TEX11: variants seen among roughly 807,000 people sequenced by gnomAD.
TEX11 encodes testis expressed 11, also known as testis-expressed protein 11.
A neutral mutation model predicts 84.4 loss-of-function variants in TEX11; 7 were observed. That is an observed-to-expected ratio of 0.08 (90% CI 0.05 to 0.16). The LOEUF is 0.16. TEX11 is among the 10% of genes least tolerant of loss of function. The probability of loss-of-function intolerance (pLI) is 1.00; values close to 1 mark genes in which losing one functional copy is unlikely to be tolerated. For missense variants in TEX11, 551 were observed against 660.5 expected, an observed-to-expected ratio of 0.83 and a Z score of 1.82; for synonymous variants, 264 against 222.8, an observed-to-expected ratio of 1.18 and a Z score of -1.64.
At position 70,624,920 on chromosome X, in the gene TEX11, C is replaced by T; in HGVS notation, c.1613G>A (p.Gly538Glu). The T allele has an allele frequency of 1.7e-6, 2 of 1,197,044 alleles. No homozygotes were observed. Among genetic ancestry groups the T allele is most frequent in the Non-Finnish European group, 2.3e-6 (2 of 884,278 alleles). The change falls in exon 19 of 30, where the codon GGA becomes GAA. Residue 538 changes from glycine (G) to glutamate (E), a missense_variant. By Grantham distance (98) the Gly-to-Glu change is moderately conservative. Coordinates refer to ENST00000374333, the MANE Select transcript of TEX11 (RefSeq NM_031276.3). ...SLAAQFALEN[G>E]QQIVAEKALE... is the part of the protein sequence containing the mutation. ...AGCTTTTTCTGCCACAATTTGTTGT[C>T]CATTCTAAAAAGAACAAATATAATA...
At chrX:70,752,422 G>A (rs1300757206) in intron 9 of TEX11, among the ~76,000 whole-genome samples, 2 of 106,987 alleles carry the variant, frequency 1.9e-5, no homozygotes, top group Non-Finnish European at 3.8e-5. Flanking sequence ...CTGTTCGGGA[G>A]GCTGAGGCAA....
At chrX:70,906,930 A>G (rs2091837316) in intron 2 of TEX11, among the ~76,000 whole-genome samples, 1 of 112,286 alleles carries the variant, frequency 8.9e-6, no homozygotes. Context: ...AGGTCTCATT[A>G]TTCCCCAAAA....
intron 24 of TEX11, among the ~76,000 whole-genome samples, chrX:70,602,148 G>A (rs1299545104): frequency 3.6e-5 from 4 of 111,915 alleles, no homozygotes; most frequent in African/African-American, 6.5e-5. Flanking sequence ...TGGATAGGGC[G>A]GCTGGCCGGG....
chrX:70,598,259 A>G (rs1014864719), intron 24 of TEX11, among the ~76,000 whole-genome samples: 7 of 112,526 alleles, frequency 6.2e-5, no homozygotes, highest in African/African-American at 1.9e-4. Flanking sequence ...AAACACACGA[A>G]AAGATTCTCA....
chrX:70,564,331 C>T (rs1408277707), intron 25 of TEX11, among the ~76,000 whole-genome samples: 1 of 111,842 alleles, frequency 8.9e-6, no homozygotes, highest in African/African-American at 3.2e-5. Flanking sequence ...TCATAAAATC[C>T]ATGTATTACT....
intron 7 of TEX11, among the ~76,000 whole-genome samples, chrX:70,841,254 A>G (rs747832570): frequency 9.0e-6 from 1 of 110,913 alleles, no homozygotes; most frequent in Admixed American, 9.7e-5. Flanking sequence ...AGCAAATGTA[A>G]AAGAACAGAA....
At position 70,621,555 on chromosome X, in the gene TEX11, T is replaced by A. The variant is rs1275849351; in HGVS notation, c.1751+2395A>T. 3.8e-3 allele frequency among the ~76,000 whole-genome samples: 91 copies of A among 23,883 alleles called. 1 individual carries two copies. The highest frequency in any genetic ancestry group is 5.6e-3 in the Non-Finnish European group (65 of 11,595). 20.7% of individuals were successfully genotyped at this position (23,883 alleles called of 115,157 possible). On this transcript the variant is annotated intron_variant, in intron 20 of 29. Transcript: ENST00000374333. ...AAAAAAAAAAAAAAAAAAAAAAATA[T>A]ATATATATATATATATATATATAAA...
intron 13 of TEX11, among the ~76,000 whole-genome samples, chrX:70,721,360 A>G (rs1326825068): frequency 9.0e-6 from 1 of 111,714 alleles, no homozygotes; most frequent in Non-Finnish European, 1.9e-5. Context: ...TTTATTATAC[A>G]CTTGAATATA....
intron 25 of TEX11, among the ~76,000 whole-genome samples, chrX:70,583,350 A>G (rs1431837319): frequency 1.8e-5 from 2 of 111,896 alleles, no homozygotes; most frequent in Non-Finnish European, 3.8e-5. Flanking sequence ...GAGTGAGAAC[A>G]TGCAGTATTT....
intron 3 of TEX11, among the ~76,000 whole-genome samples, chrX:70,878,168 CTTTTT>C (rs34459152): frequency 1.4e-5 from 1 of 72,538 alleles, no homozygotes; most frequent in Non-Finnish European, 2.5e-5. Flanking sequence ...CTCTATCCCT[CTTTTT>C]TTTTTTTTTT....
At chrX:70,870,074 C>T (rs1442951424) in intron 4 of TEX11, among the ~76,000 whole-genome samples, 1 of 111,819 alleles carries the variant, frequency 8.9e-6, no homozygotes, top group East Asian at 2.8e-4. Flanking sequence ...TGAACATCCG[C>T]TTTACTCTGC....
chrX:70,780,527 G>A (rs991563577), intron 9 of TEX11, among the ~76,000 whole-genome samples: 5 of 111,933 alleles, frequency 4.5e-5, no homozygotes, highest in Admixed American at 3.8e-4. Flanking sequence ...GGAAGCACAG[G>A]GGGTCTGAGG....
At chrX:70,559,376 C>G (rs2088332179) in intron 25 of TEX11, among the ~76,000 whole-genome samples, 1 of 112,072 alleles carries the variant, frequency 8.9e-6, no homozygotes, top group African/African-American at 3.2e-5. Flanking sequence ...GCTATAGAAA[C>G]AGAAAGTAGA....
intron 13 of TEX11, among the ~76,000 whole-genome samples, chrX:70,716,693 CT>C (rs2090506572): frequency 8.9e-6 from 1 of 112,234 alleles, no homozygotes; most frequent in Non-Finnish European, 1.9e-5. Flanking sequence ...TCCATCACCC[CT>C]AGGAAAGGGA....
chrX:70,847,358 A>G (rs1277911095), intron 7 of TEX11, among the ~76,000 whole-genome samples: 1 of 111,100 alleles, frequency 9.0e-6, no homozygotes, highest in Admixed American at 9.7e-5. Flanking sequence ...TATGGTCACT[A>G]TCATCTTCCT....
intron 2 of TEX11, among the ~76,000 whole-genome samples, chrX:70,895,895 G>A (rs1417282513): frequency 8.9e-6 from 1 of 112,200 alleles, no homozygotes; most frequent in Non-Finnish European, 1.9e-5. Flanking sequence ...AGACTTAAAT[G>A]TAAAACCTAA....
intron 16 of TEX11, among the ~76,000 whole-genome samples, chrX:70,654,395 G>A (rs1234891882): frequency 9.0e-6 from 1 of 110,725 alleles, no homozygotes; most frequent in African/African-American, 3.3e-5. Context: ...CAAGTGAGGA[G>A]AGAAAAAGAA....
At chrX:70,579,737 C>A (rs1158792719) in intron 25 of TEX11, among the ~76,000 whole-genome samples, 1 of 111,905 alleles carries the variant, frequency 8.9e-6, no homozygotes, top group Non-Finnish European at 1.9e-5. Flanking sequence ...AAACAGGCAA[C>A]TGAAAAGTTG....
At chrX:70,562,427 A>C (rs777723501) in intron 25 of TEX11, among the ~76,000 whole-genome samples, 98 of 112,092 alleles carry the variant, frequency 8.7e-4, no homozygotes, top group Non-Finnish European at 1.6e-3. Flanking sequence ...TATGTAAAGT[A>C]TTTTCATTAT....
Sources: allele counts gnomAD v4.1 joint callset (sites outside exome capture counted in the v4.1 genomes callset), GRCh38; gene constraint gnomAD v4.1.1; transcripts MANE v1.5; gene names NCBI Gene and HGNC (gene_info 2026-07-23, HGNC 2026-07-21).